The following CD163 variants were observed in gnomAD, a reference collection of about 807,000 sequenced individuals.
CD163 encodes scavenger receptor cysteine-rich type 1 protein M130.
Under a neutral mutation model 129.2 loss-of-function variants are expected in CD163, and 64 were observed. The ratio of observed to expected loss-of-function variants is 0.50; its 90% CI spans 0.41 to 0.61. The LOEUF (loss-of-function observed/expected upper bound fraction) is 0.61, where lower values mean the gene tolerates loss of function less well. CD163 is among the 20% of genes least tolerant of loss of function. The pLI is 0.00. For synonymous variants in CD163, 446 were observed against 478.5 expected, an observed-to-expected ratio of 0.93 and a Z score of 0.89; for missense variants, 1,061 against 1,377.9, an observed-to-expected ratio of 0.77 and a Z score of 3.64.
intron 6 of CD163, among the ~76,000 whole-genome samples, chr12:7,493,260 T>C (rs1217780187): frequency 6.6e-6 from 1 of 152,154 alleles, no homozygotes; most frequent in African/African-American, 2.4e-5. Flanking sequence ...TGAAGAATAA[T>C]GTGCCAGGAA....
Position 7,502,606 on chromosome 12 carries a change from A to G in CD163, c.47-42T>C, listed in dbSNP as rs1255369186. 5 of 1,040,196 alleles carry G rather than the reference A, an allele frequency of 4.8e-6. No individual in the cohort carries two copies. In the African/African-American group the frequency reaches 7.7e-5, roughly 16 times the overall value. The allele number at this position is 1,040,196 out of a possible 1,614,324, so 64.4% of individuals were successfully genotyped here. ...AGGGCAAAAGTAGCATCTTCCCAAA[A>G]AGAGACTTTGGAGAAGATAGATGGT... On this transcript the variant is annotated intron_variant, in intron 1 of 16. Transcript: ENST00000432237.
chr12:7,497,526 T>C (rs1243540572), intron 4 of CD163, among the ~76,000 whole-genome samples: 1 of 152,214 alleles, frequency 6.6e-6, no homozygotes, highest in Non-Finnish European at 1.5e-5. Flanking sequence ...CCCTTTTGCC[T>C]CTGACTGCAT....
In CD163 at chr12:7,487,320, C is replaced by T; in HGVS notation, c.2050+39G>A. The T allele has an allele frequency of 6.5e-7, 1 of 1,531,580 alleles. No homozygotes were observed. Among genetic ancestry groups the T allele is most frequent in the Non-Finnish European group, 8.8e-7 (1 of 1,142,798 alleles). The allele number at this position is 1,531,580 out of a possible 1,614,324, so 94.9% of individuals were successfully genotyped here. A position where few individuals can be genotyped will look rare whatever the true frequency, so the allele number is the denominator to read the frequency against. On this transcript the variant is annotated intron_variant, in intron 8 of 16. Transcript: ENST00000432237. This position sits in a 1 kb window ranked among gnomAD's most constrained non-coding sequence, Gnocchi z 5.1. ...TGTTCTTCATCCCTATGTACACCTTCTCTTAAGACCCATCACTGGCTGCCC... is the reference window on the plus strand; with the variant it reads ...TGTTCTTCATCCCTATGTACACCTTTTCTTAAGACCCATCACTGGCTGCCC...
At chr12:7,492,473 G>A (rs948775409) in intron 6 of CD163, among the ~76,000 whole-genome samples, 4 of 152,110 alleles carry the variant, frequency 2.6e-5, no homozygotes, top group African/African-American at 7.2e-5. Context: ...AAAACCTAAG[G>A]AGTCTTACAC....
chr12:7,474,787 G>A (rs1315467289), intron 16 of CD163, among the ~76,000 whole-genome samples: 2 of 152,058 alleles, frequency 1.3e-5, no homozygotes, highest in African/African-American at 4.8e-5. Context: ...CAACCCAGGA[G>A]CTGGTTTTTT....
At chr12:7,503,524 A>G (rs192547083) in intron 1 of CD163, 121 bp downstream of exon 1, 1 of 596,588 alleles carries the variant, frequency 1.7e-6, no homozygotes. Context: ...ATATAAGCCT[A>G]TGTCCTTTTT....
rs1948997125 is a variant in CD163, at chr12:7,471,133, G to A, written c.*296C>T. 1 of 152,054 alleles carries A rather than the reference G, an allele frequency of 6.6e-6. No homozygotes were observed. The allele number at this position is 152,054 out of a possible 1,614,324, so 9.4% of individuals were successfully genotyped here. On this transcript the variant is annotated 3_prime_UTR_variant, in exon 17 of 17. Transcript: ENST00000432237. ...TACAAAAAATTAGGAAGCCCATTTA[G>A]AAATTAATAGAATTAAGGACAAGTA... is the stretch of plus-strand genomic sequence containing the variant.
Position 7,497,124 on chromosome 12 carries a change from T to C in CD163, c.788A>G (p.Asp263Gly). The change falls in exon 5 of 17, where the codon GAT becomes GGT. Residue 263 changes from aspartate to glycine, a missense_variant. Transcript: ENST00000432237. ...TCCATCTACCAGTCTCAGGCTCAGATCTGCTCCCTCTGTAACAGAGACACA... is the reference window on the plus strand; with the variant it reads ...TCCATCTACCAGTCTCAGGCTCAGACCTGCTCCCTCTGTAACAGAGACACA... Reference protein sequence around the residue: ...DAGVICSKGADLSLRLVDGVT... With the variant: ...DAGVICSKGAGLSLRLVDGVT... The C allele has an allele frequency of 6.2e-7, 1 of 1,613,426 alleles. No homozygotes were observed. Among genetic ancestry groups the C allele is most frequent in the Non-Finnish European group, 8.5e-7 (1 of 1,179,758 alleles).
At chr12:7,502,936 C>A (rs1417582123) in intron 1 of CD163, among the ~76,000 whole-genome samples, 1 of 152,168 alleles carries the variant, frequency 6.6e-6, no homozygotes, top group African/African-American at 2.4e-5. Flanking sequence ...TCCCTAACCA[C>A]CTTGATATTC....
In CD163 at chr12:7,497,174, A is replaced by G. The variant is rs530054957; in HGVS notation, c.779-41T>C. ...ACAACAGGTCTGCGATAAGGAAGCAAGAACATGAGACTATAAATAGCTATA... is the reference window on the plus strand; with the variant it reads ...ACAACAGGTCTGCGATAAGGAAGCAGGAACATGAGACTATAAATAGCTATA... On this transcript the variant is annotated intron_variant, in intron 4 of 16. Transcript: ENST00000432237. The G allele has an allele frequency of 6.6e-6, 10 of 1,515,088 alleles. No individual in the cohort carries two copies. In the African/African-American group the frequency reaches 9.7e-5, roughly 15 times the overall value. 93.9% of individuals were successfully genotyped at this position (1,515,088 alleles called of 1,614,324 possible).
At chr12:7,502,873 T>C (rs1949514046) in intron 1 of CD163, 2 of 531,844 alleles carry the variant, frequency 3.8e-6, no homozygotes, top group East Asian at 3.0e-5. Flanking sequence ...TGAAACTTAG[T>C]AGTGGACAAT....
intron 14 of CD163, 125 bp downstream of exon 14, chr12:7,482,518 G>A (rs1949175674): frequency 1.0e-5 from 11 of 1,080,262 alleles, no homozygotes; most frequent in Non-Finnish European, 1.5e-5. Flanking sequence ...CCTCTGTTTT[G>A]AGAAACTGCT....
intron 6 of CD163, among the ~76,000 whole-genome samples, chr12:7,490,879 C>T (rs1949318461): frequency 6.6e-6 from 1 of 151,940 alleles, no homozygotes; most frequent in Non-Finnish European, 1.5e-5. Context: ...GCAAATAACA[C>T]CTCTACAATA....
intron 6 of CD163, among the ~76,000 whole-genome samples, chr12:7,494,298 G>T (rs1419641184): frequency 2.0e-5 from 3 of 152,152 alleles, no homozygotes; most frequent in Admixed American, 6.6e-5. Context: ...TATCTTAAAT[G>T]ATTGCCTTTT....
intron 15 of CD163, chr12:7,480,203 A>G (rs773556364): frequency 2.3e-6 from 1 of 432,520 alleles, no homozygotes. Context: ...CTGACACAGT[A>G]GCAGATGCAT....
intron 6 of CD163, among the ~76,000 whole-genome samples, chr12:7,490,905 C>A (rs755657100): frequency 3.3e-5 from 5 of 151,892 alleles, no homozygotes; most frequent in Non-Finnish European, 7.4e-5. Flanking sequence ...AATTAATGAC[C>A]CTTGAGTGGG....
At chr12:7,495,008 GTT>G (rs1481694610) in intron 6 of CD163, 71 bp downstream of exon 6, 6 of 1,166,522 alleles carry the variant, frequency 5.1e-6, no homozygotes, top group African/African-American at 1.5e-5. Flanking sequence ...AAGGACCAAT[GTT>G]TCTTTTCAAT....
chr12:7,491,061 C>T (rs1208770203), intron 6 of CD163, among the ~76,000 whole-genome samples: 2 of 151,980 alleles, frequency 1.3e-5, no homozygotes, highest in African/African-American at 2.4e-5. Flanking sequence ...AAGCCAAATT[C>T]TGGTTTCTTG....
rs924501701 is a variant in CD163, at chr12:7,471,015, T to C, written c.*414A>G. 5.3e-5 allele frequency: 8 copies of C among 152,026 alleles called. No individual in the cohort carries two copies. Among genetic ancestry groups the C allele is most frequent in the African/African-American group, 1.9e-4 (8 of 41,412 alleles). 9.4% of individuals were successfully genotyped at this position (152,026 alleles called of 1,614,324 possible). A position where few individuals can be genotyped will look rare whatever the true frequency, so the allele number is the denominator to read the frequency against. Reference sequence around the variant, plus strand: ...TTATTTTTATTTGGTAATAGGAAAATTATTCAAACCAAATAAGAAAAAATA... The same window carrying C: ...TTATTTTTATTTGGTAATAGGAAAACTATTCAAACCAAATAAGAAAAAATA... On this transcript the variant is annotated 3_prime_UTR_variant, in exon 17 of 17. Transcript: ENST00000432237.
Sources: allele counts gnomAD v4.1 joint callset (sites outside exome capture counted in the v4.1 genomes callset), GRCh38; gene constraint gnomAD v4.1.1; non-coding constraint Gnocchi (gnomAD v3.1); transcripts MANE v1.5; gene names NCBI Gene and HGNC (gene_info 2026-07-23, HGNC 2026-07-21).